VPS8: variants seen among roughly 807,000 people sequenced by gnomAD.
The protein encoded by VPS8 is vacuolar protein sorting-associated protein 8 homolog.
Under a neutral mutation model 216.4 loss-of-function variants are expected in VPS8, and 129 were observed. The ratio of observed to expected loss-of-function variants is 0.60; its 90% CI spans 0.52 to 0.69. VPS8 has a LOEUF of 0.69. VPS8 is among the 30% of genes least tolerant of loss of function. The pLI is 0.00. For synonymous variants in VPS8, 571 were observed against 565.4 expected, an observed-to-expected ratio of 1.01 and a Z score of -0.14; for missense variants, 1,531 against 1,683.5, an observed-to-expected ratio of 0.91 and a Z score of 1.59.
At chr3:184,826,754 A>G (rs946315312) in intron 3 of VPS8, among the ~76,000 whole-genome samples, 4 of 152,258 alleles carry the variant, frequency 2.6e-5, no homozygotes, top group African/African-American at 7.2e-5. Context: ...GCTAAAGAAC[A>G]TCTTGCAACC....
chr3:184,818,591 C>T (rs1716870840), intron 1 of VPS8, among the ~76,000 whole-genome samples: 1 of 150,904 alleles, frequency 6.6e-6, no homozygotes, highest in Non-Finnish European at 1.5e-5. Flanking sequence ...CCCACCATTG[C>T]ATTTTATTTT....
chr3:184,943,209 T>A (rs1307745376), intron 36 of VPS8, among the ~76,000 whole-genome samples: 2 of 152,230 alleles, frequency 1.3e-5, no homozygotes, highest in Non-Finnish European at 2.9e-5. Context: ...TGTCAGTTTC[T>A]GTATTGTATG....
chr3:184,839,916 C>T, intron 7 of VPS8, 164 bp downstream of exon 7: 1 of 1,399,106 alleles, frequency 7.1e-7, no homozygotes. Context: ...TTATTTGCCT[C>T]ACAGCTTTGT....
intron 37 of VPS8, among the ~76,000 whole-genome samples, chr3:184,959,937 C>T (rs1194912280): frequency 6.6e-6 from 1 of 151,914 alleles, no homozygotes; most frequent in East Asian, 1.9e-4. Flanking sequence ...GTGCTGCACC[C>T]ATCAACTCGT....
intron 41 of VPS8, 46 bp from the exon 42 acceptor site, chr3:184,982,966 A>T: frequency 6.8e-7 from 1 of 1,480,830 alleles, no homozygotes; most frequent in Non-Finnish European, 9.1e-7. Flanking sequence ...AAAACTGAAA[A>T]CTCTTATTTT....
intron 6 of VPS8, chr3:184,839,349 C>T (rs770614890): frequency 3.5e-5 from 8 of 231,834 alleles, no homozygotes; most frequent in Non-Finnish European, 5.8e-5. Context: ...CCCCATGCCT[C>T]GTAGGAAGCT....
At chr3:185,013,112 T>C (rs1301317106) in intron 45 of VPS8, among the ~76,000 whole-genome samples, 1 of 152,234 alleles carries the variant, frequency 6.6e-6, no homozygotes, top group East Asian at 1.9e-4. Context: ...TAAGAACACC[T>C]TAAGCGTTTT....
At chr3:184,989,371 A>G (rs531388213) in intron 42 of VPS8, among the ~76,000 whole-genome samples, 13 of 152,118 alleles carry the variant, frequency 8.5e-5, no homozygotes, top group African/African-American at 3.1e-4. Flanking sequence ...ATATGATCAT[A>G]TGATTTTTCT....
chr3:184,919,990 T>A (rs1738330912), intron 28 of VPS8, 137 bp from the exon 29 acceptor site: 1 of 617,460 alleles, frequency 1.6e-6, no homozygotes, highest in Admixed American at 3.5e-5. Flanking sequence ...ACGCAAGGTG[T>A]ATAAGACAAA....
chr3:185,048,558 G>A lies in VPS8; in HGVS notation c.4136G>A (p.Arg1379Lys), dbSNP rs1188548245. Residue 1379 changes from arginine (R) to lysine (K), a missense_variant and splice_region_variant, in exon 47 of 48, where the codon AGG becomes AAG. Transcript: ENST00000625842. ...TGCCGTCTCTACCGAGGAAGCTCCA[G>A]GGTAATGTTTGCGTGGTTGTTTATA... The part of the protein sequence containing the change: ...QLCRLYRGSS[R>K]LALLTELSQN... 1 of 1,613,696 alleles carries A rather than the reference G, an allele frequency of 6.2e-7. No homozygotes were observed. The highest frequency in any genetic ancestry group is 1.3e-5 in the African/African-American group (1 of 74,900).
At chr3:184,814,935 A>G (rs373270579) in intron 1 of VPS8, among the ~76,000 whole-genome samples, 1 of 152,228 alleles carries the variant, frequency 6.6e-6, no homozygotes, top group Non-Finnish European at 1.5e-5. Flanking sequence ...ACATTGTACA[A>G]TTAGCTGTAC....
At chr3:185,024,876 C>T (rs560642164) in intron 46 of VPS8, among the ~76,000 whole-genome samples, 3 of 152,172 alleles carry the variant, frequency 2.0e-5, no homozygotes, top group South Asian at 4.2e-4. Flanking sequence ...GTGGTGCATG[C>T]CTGTAATCCC....
intron 46 of VPS8, among the ~76,000 whole-genome samples, chr3:185,027,838 A>G (rs1307656463): frequency 6.6e-6 from 1 of 152,192 alleles, no homozygotes; most frequent in Non-Finnish European, 1.5e-5. Flanking sequence ...ATGACTGGAC[A>G]CAAGTGGCCC....
chr3:184,923,935 A>G (rs183802934), intron 29 of VPS8, among the ~76,000 whole-genome samples: 1 of 152,226 alleles, frequency 6.6e-6, no homozygotes, highest in Admixed American at 6.5e-5. Context: ...TTCTGTAATC[A>G]TTTGTGCCCT....
At chr3:184,952,366 A>C (rs1473951837) in intron 36 of VPS8, among the ~76,000 whole-genome samples, 2 of 152,196 alleles carry the variant, frequency 1.3e-5, no homozygotes, top group Non-Finnish European at 2.9e-5. Flanking sequence ...AATTTCACTC[A>C]TTTCTGACAC....
chr3:184,891,797 T>C (rs1046073359), intron 22 of VPS8, among the ~76,000 whole-genome samples: 1 of 152,218 alleles, frequency 6.6e-6, no homozygotes, highest in Non-Finnish European at 1.5e-5. Flanking sequence ...AATTTACTTG[T>C]TTGGTTCTGG....
At chr3:184,942,510 T>A (rs1380047968) in intron 36 of VPS8, among the ~76,000 whole-genome samples, 1 of 152,180 alleles carries the variant, frequency 6.6e-6, no homozygotes. Flanking sequence ...GACCTCACTC[T>A]CACAGCCAAA....
At chr3:184,919,442 ATACTATATG>A (rs1334234289) in intron 28 of VPS8, among the ~76,000 whole-genome samples, 1 of 152,178 alleles carries the variant, frequency 6.6e-6, no homozygotes, top group Non-Finnish European at 1.5e-5. Context: ...TTCTTCATAT[ATACTATATG>A]TACTAGGTTT....
rs1436882037 is a variant in VPS8, at chr3:184,869,009, C to T, written c.1570C>T (p.His524Tyr). 3.7e-6 allele frequency: 6 copies of T among 1,609,290 alleles called. No homozygotes were observed. Among genetic ancestry groups the T allele is most frequent in the Non-Finnish European group, 5.1e-6 (6 of 1,177,928 alleles). ...AGCGTTGGCTCTTGCGTGGTCTTTCCATGAAGGAAAAGCAAAAGCAGTAGT... is the reference window on the plus strand; with the variant it reads ...AGCGTTGGCTCTTGCGTGGTCTTTCTATGAAGGAAAAGCAAAAGCAGTAGT... ...TEALALAWSF[H>Y]EGKAKAVVGL... Residue 524 changes from histidine to tyrosine, a missense_variant, in exon 19 of 48, where the codon CAT (histidine) becomes TAT (tyrosine). Physicochemically the swap from His to Tyr is moderately conservative, Grantham distance 83. Around this residue, in one of 3 missense-constraint regions of VPS8, gnomAD observed 1,318 missense variants for 1,468.4 expected, o/e 0.90. Transcript: ENST00000625842.
Sources: allele counts gnomAD v4.1 joint callset (sites outside exome capture counted in the v4.1 genomes callset), GRCh38; gene constraint gnomAD v4.1.1; regional missense constraint gnomAD v4.1.1; transcripts MANE v1.5; gene names NCBI Gene and HGNC (gene_info 2026-07-23, HGNC 2026-07-21).